Variants in ANKS1B observed in about 807,000 individuals in gnomAD.
The protein encoded by ANKS1B is ankyrin repeat and sterile alpha motif domain containing 1B.
In ANKS1B, 36 loss-of-function variants were observed where a neutral mutation model predicts 148.3. That is an observed-to-expected ratio of 0.24 (90% confidence interval 0.19 to 0.32). The LOEUF is 0.32. ANKS1B is among the 10% of genes least tolerant of loss of function. The pLI, the probability that ANKS1B is intolerant of heterozygous loss-of-function variation, is 1.00. For synonymous variants in ANKS1B, 542 were observed against 560.8 expected (o/e 0.97, Z 0.47); for missense variants, 1,157 against 1,542.6 (o/e 0.75, Z 4.19).
At chr12:99,949,982 A>T (rs2095172723) in intron 1 of ANKS1B, among the ~76,000 whole-genome samples, 1 of 152,134 alleles carries the variant, frequency 6.6e-6, no homozygotes, top group South Asian at 2.1e-4. Flanking sequence ...TTTGTTTGTG[A>T]CAGGGTCTCA....
chr12:98,794,949 G>A, intron 22 of ANKS1B: 1 of 1,218,430 alleles, frequency 8.2e-7, no homozygotes. Context: ...AAGAGGATGT[G>A]GACATGGAAG....
At chr12:99,676,434 T>C (rs540708257) in intron 8 of ANKS1B, among the ~76,000 whole-genome samples, 59 of 152,298 alleles carry the variant, frequency 3.9e-4, no homozygotes, top group African/African-American at 1.3e-3. Context: ...TAAAGAAAAA[T>C]GGAAGATTAT....
In ANKS1B at chr12:98,745,375, C is replaced by CTTTTTTTTGTTT. The variant is rs2097857451; in HGVS notation, c.*363_*364insAAACAAAAAAAA. The CTTTTTTTTGTTT allele has an allele frequency of 1.5e-6, 1 of 685,050 alleles. No homozygotes were observed. The highest frequency in any genetic ancestry group is 1.7e-6 in the Non-Finnish European group (1 of 582,664). The allele number at this position is 685,050 out of a possible 1,614,324, so 42.4% of individuals were successfully genotyped here. A position where few individuals can be genotyped will look rare whatever the true frequency, so the allele number is the denominator to read the frequency against. ...TAGGCAGTATTAGAGATCCCCTTTA[C>CTTTTTTTTGTTT]TTTTTTTTTTTTTTTTTTTTTTTTA... On this transcript the variant is annotated 3_prime_UTR_variant, in exon 27 of 27. Coordinates refer to ENST00000683438, the MANE Select transcript of ANKS1B (RefSeq NM_001352186.2).
intron 22 of ANKS1B, chr12:98,794,543 T>C (rs911086370): frequency 2.9e-5 from 20 of 680,162 alleles, no homozygotes; most frequent in Non-Finnish European, 5.4e-5. Context: ...CATGGCAAGA[T>C]GTTCATCCGC....
intron 10 of ANKS1B, among the ~76,000 whole-genome samples, chr12:99,490,074 A>G (rs1008754766): frequency 6.6e-6 from 1 of 152,194 alleles, no homozygotes; most frequent in East Asian, 1.9e-4. Context: ...TTTGCCAAGT[A>G]CTGTAGATAA....
At chr12:98,987,641 A>G (rs1409664281) in intron 17 of ANKS1B, among the ~76,000 whole-genome samples, 3 of 152,166 alleles carry the variant, frequency 2.0e-5, no homozygotes, top group South Asian at 4.1e-4. Flanking sequence ...CTAGGTCTGG[A>G]CAATCACAGC....
chr12:98,758,186 T>C (rs2098307923), intron 25 of ANKS1B, among the ~76,000 whole-genome samples: 3 of 152,100 alleles, frequency 2.0e-5, no homozygotes, highest in Non-Finnish European at 4.4e-5. Flanking sequence ...TTTAATTCAA[T>C]CCTAACCGTA....
chr12:99,550,770 C>T (rs1252661692), intron 9 of ANKS1B, among the ~76,000 whole-genome samples: 1 of 151,978 alleles, frequency 6.6e-6, no homozygotes, highest in Non-Finnish European at 1.5e-5. Context: ...CTAACTAACC[C>T]CATGTGTATA....
At chr12:99,594,029 C>T (rs35977836) in intron 9 of ANKS1B, among the ~76,000 whole-genome samples, 40,033 of 151,774 alleles carry the variant, frequency 0.26, 5,744 homozygotes, top group South Asian at 0.37. Context: ...TGATCTATCA[C>T]TGAATAGTTT....
At chr12:99,828,506 G>C (rs2083484782) in intron 1 of ANKS1B, among the ~76,000 whole-genome samples, 1 of 151,952 alleles carries the variant, frequency 6.6e-6, no homozygotes, top group Admixed American at 6.6e-5. Context: ...CTTGAGGAAA[G>C]CCTTTACTAC....
At position 99,670,615 on chromosome 12, in the gene ANKS1B, C is replaced by T. The variant is rs531221522; in HGVS notation, c.1129-15405G>A. 9.9e-5 allele frequency among the ~76,000 whole-genome samples: 15 copies of T among 152,122 alleles called. 1 individual carries two copies. In the South Asian group the frequency reaches 3.1e-3, roughly 32 times the overall value. The stretch of plus-strand genomic sequence containing the variant: ...ACTCTGAACTCAAGGTGTAAAGACA[C>T]ATATCTATACATAACTAGACAGTAA... On this transcript the variant is annotated intron_variant, in intron 8 of 26. Coordinates refer to ENST00000683438, the MANE Select transcript of ANKS1B (RefSeq NM_001352186.2).
intron 1 of ANKS1B, among the ~76,000 whole-genome samples, chr12:99,952,876 T>C (rs1228012972): frequency 1.3e-5 from 2 of 152,222 alleles, no homozygotes; most frequent in Non-Finnish European, 2.9e-5. Context: ...TATAAGTTAA[T>C]ACCTTTTAAA....
chr12:98,792,865 A>G (rs1337281210), intron 22 of ANKS1B, among the ~76,000 whole-genome samples: 1 of 152,194 alleles, frequency 6.6e-6, no homozygotes, highest in Non-Finnish European at 1.5e-5. Context: ...TGATGGACAC[A>G]ATTTTAAATA....
At chr12:99,259,738 A>T (rs1305682795) in intron 12 of ANKS1B, among the ~76,000 whole-genome samples, 1 of 152,150 alleles carries the variant, frequency 6.6e-6, no homozygotes, top group African/African-American at 2.4e-5. Context: ...TCCTGTTGCA[A>T]GCAAAGGAAG....
rs187030428 is a variant in ANKS1B at position 98,829,906 on chromosome 12, G to C, written c.2887-553C>G. On this transcript the variant is annotated intron_variant, in intron 18 of 26. Transcript: ENST00000683438. The surrounding 1 kb of genome is among the most constrained non-coding windows in gnomAD (Gnocchi z 5.2). ...AGACAACTCCATCCAAGGGAAACGG[G>C]TCAGGAGGAAGATAGGGGGCATAGA... is the stretch of plus-strand genomic sequence containing the variant. Among the ~76,000 whole-genome samples the C allele has an allele frequency of 4.0e-3, 612 of 152,300 alleles. 5 individuals carry two copies. The highest frequency in any genetic ancestry group is 0.014 in the African/African-American group (566 of 41,554).
chr12:99,961,656 A>C (rs2095413678), intron 1 of ANKS1B, among the ~76,000 whole-genome samples: 1 of 152,202 alleles, frequency 6.6e-6, no homozygotes, highest in African/African-American at 2.4e-5. Context: ...TATATTAAAC[A>C]TGGATCTTGT....
chr12:99,935,640 G>A (rs898597795), intron 1 of ANKS1B, among the ~76,000 whole-genome samples: 3 of 152,090 alleles, frequency 2.0e-5, no homozygotes, highest in East Asian at 3.9e-4. Flanking sequence ...TGCCACCAGC[G>A]ATTCCCTGCC....
intron 1 of ANKS1B, among the ~76,000 whole-genome samples, chr12:99,941,050 CA>C (rs1475217315): frequency 3.3e-5 from 5 of 152,042 alleles, no homozygotes; most frequent in South Asian, 2.1e-4. Flanking sequence ...TATACTTTTT[CA>C]ATGGTCTCCT....
At chr12:99,497,590 G>A (rs2096616458) in intron 10 of ANKS1B, among the ~76,000 whole-genome samples, 2 of 152,178 alleles carry the variant, frequency 1.3e-5, no homozygotes, top group South Asian at 2.1e-4. Context: ...GCCTGTCTCT[G>A]GGTCTAAATT....
Sources: gnomAD v4.1 joint callset for allele counts (sites outside exome capture counted in the v4.1 genomes callset) on GRCh38, gnomAD v4.1.1 for gene constraint, Gnocchi (gnomAD v3.1) non-coding constraint, MANE v1.5 for transcripts, NCBI Gene and HGNC (gene_info 2026-07-23, HGNC 2026-07-21) for gene names.